The following VAV3 variants were observed in gnomAD, a reference collection of about 807,000 sequenced individuals.
VAV3 encodes the protein guanine nucleotide exchange factor VAV3.
A neutral mutation model predicts 131.2 loss-of-function variants in VAV3; 94 were observed. That is an observed-to-expected ratio of 0.72 (90% CI 0.61 to 0.85). The LOEUF is 0.85. Ranked by LOEUF, VAV3 falls within the 40% of genes least tolerant of loss-of-function variation. VAV3 has a pLI of 0.00. For synonymous variants in VAV3, 349 were observed against 342.0 expected (o/e 1.02, Z -0.22); for missense variants, 939 against 1,002.7 (o/e 0.94, Z 0.86).
Position 107,815,987 on chromosome 1 carries a change from G to A in VAV3, c.322-36495C>T, listed in dbSNP as rs907505715. ...TACACAACCTACATCCCTTGTATGC[G>A]CAGTTGGCAATACACTTTGCACTTC... On this transcript the variant is annotated intron_variant, in intron 2 of 26. Coordinates refer to ENST00000370056, the MANE Select transcript of VAV3 (RefSeq NM_006113.5). Among the ~76,000 whole-genome samples, 12 of 152,216 alleles carry A rather than the reference G, an allele frequency of 7.9e-5. No homozygotes were observed. In the South Asian group the frequency reaches 8.3e-4, roughly 11 times the overall value.
Position 107,602,428 on chromosome 1 carries a change from A to G in VAV3, c.2189T>C (p.Ile730Thr). ...ACTTTTAAATTTTCTATTTTCTGCA[A>G]TGTGAAAAAAGCCATCTCTTGTTAA... is the stretch of plus-strand genomic sequence containing the variant. The part of the protein sequence containing the change: ...KILTRDGFFH[I>T]AENRKFKSLM... The change falls in exon 24 of 27, where the codon ATT (isoleucine) becomes ACT (threonine). Residue 730 changes from isoleucine (I) to threonine (T), a missense_variant. Transcript: ENST00000370056. The G allele has an allele frequency of 6.3e-7, 1 of 1,575,632 alleles. No individual in the cohort carries two copies. The highest frequency in any genetic ancestry group is 1.4e-5 in the African/African-American group (1 of 71,980).
intron 2 of VAV3, among the ~76,000 whole-genome samples, chr1:107,802,244 GT>G (rs557327897): frequency 2.2e-3 from 337 of 151,632 alleles, no homozygotes; most frequent in African/African-American, 3.5e-3. Context: ...TTCTAACAGG[GT>G]TTTTTTTGTG....
At chr1:107,667,562 G>A (rs561403897) in intron 19 of VAV3, among the ~76,000 whole-genome samples, 6 of 152,054 alleles carry the variant, frequency 3.9e-5, no homozygotes, top group Admixed American at 3.3e-4. Context: ...CATTAGTGAT[G>A]GTTTCGCTGA....
chr1:107,646,796 T>C (rs1166015210), intron 19 of VAV3, among the ~76,000 whole-genome samples: 1 of 151,978 alleles, frequency 6.6e-6, no homozygotes, highest in Non-Finnish European at 1.5e-5. Flanking sequence ...ACTCTACTAA[T>C]AGTCGTGTGT....
At chr1:107,927,785 T>C (rs1673234456) in intron 1 of VAV3, among the ~76,000 whole-genome samples, 1 of 152,156 alleles carries the variant, frequency 6.6e-6, no homozygotes, top group African/African-American at 2.4e-5. Context: ...GGTAGACTTC[T>C]AAGATTTTGG....
At chr1:107,696,021 TTTA>T (rs1239678375) in intron 17 of VAV3, among the ~76,000 whole-genome samples, 1 of 152,182 alleles carries the variant, frequency 6.6e-6, no homozygotes, top group Admixed American at 6.5e-5. Flanking sequence ...AATTTTTTAT[TTTA>T]TTATCTTTAA....
chr1:107,964,938 GC>G lies in VAV3; in HGVS notation c.-70del. On this transcript the variant is annotated 5_prime_UTR_variant, in exon 1 of 27. Transcript: ENST00000370056. ...GGATGCGGCCGCCGCCGCCGCCGCC[GC>G]GGTTCCTCCGCGCCCCGCCGACGCC... 8.4e-7 allele frequency: 1 copy of G among 1,190,682 alleles called. No individual in the cohort carries two copies. The highest frequency in any genetic ancestry group is 1.1e-6 in the Non-Finnish European group (1 of 948,984). 73.8% of individuals were successfully genotyped at this position (1,190,682 alleles called of 1,614,324 possible).
Position 107,574,963 on chromosome 1 carries a change from C to CTCTGTGTGTGTGTGTGTG in VAV3, c.2351-766_2351-765insCACACACACACACACAGA, listed in dbSNP as rs1304869776. 9.9e-5 allele frequency among the ~76,000 whole-genome samples: 8 copies of CTCTGTGTGTGTGTGTGTG among 81,114 alleles called. 3 individuals carry two copies. Among genetic ancestry groups the CTCTGTGTGTGTGTGTGTG allele is most frequent in the Non-Finnish European group, 9.8e-5 (4 of 40,666 alleles). The allele number at this position is 81,114 out of a possible 152,430, so 53.2% of individuals were successfully genotyped here. A position where few individuals can be genotyped will look rare whatever the true frequency, so the allele number is the denominator to read the frequency against. On this transcript the variant is annotated intron_variant, in intron 25 of 26. Coordinates refer to ENST00000370056, the MANE Select transcript of VAV3 (RefSeq NM_006113.5). ...ATCCTGTGTTCAGAGTTGAGTTTCT[C>CTCTGTGTGTGTGTGTGTG]TGTGTGTGTGTGTGTGTGTGTGTGT...
At chr1:107,795,374 A>G (rs770313022) in intron 2 of VAV3, among the ~76,000 whole-genome samples, 17 of 152,328 alleles carry the variant, frequency 1.1e-4, no homozygotes, top group Middle Eastern at 3.4e-3. Context: ...ACTATCAAAC[A>G]ATGAAATTCT....
chr1:107,753,527 C>CATATATATATATATATACAT (rs752202122), intron 12 of VAV3, among the ~76,000 whole-genome samples: 2 of 94,738 alleles, frequency 2.1e-5, no homozygotes, highest in African/African-American at 8.1e-5. Flanking sequence ...TATATATATA[C>CATATATATATATATATACAT]GTATATATAT....
At chr1:107,916,235 T>C (rs1672615035) in intron 1 of VAV3, among the ~76,000 whole-genome samples, 1 of 152,204 alleles carries the variant, frequency 6.6e-6, no homozygotes, top group Admixed American at 6.5e-5. Flanking sequence ...TAAGTTCAAG[T>C]GACATCAAAT....
At position 107,645,620 on chromosome 1, in the gene VAV3, A is replaced by G. The variant is rs576129587; in HGVS notation, c.1778-2865T>C. On this transcript the variant is annotated intron_variant, in intron 19 of 26. Coordinates refer to ENST00000370056, the MANE Select transcript of VAV3 (RefSeq NM_006113.5). ...CATTGCTAAGAATGTGAACACACTC[A>G]CATTAACTGGAAGACAAAAAATTGC... Among the ~76,000 whole-genome samples, 14 of 152,218 alleles carry G rather than the reference A, an allele frequency of 9.2e-5. No individual in the cohort carries two copies. The South Asian group carries it at 2.9e-3, about 32-fold the overall frequency.
chr1:107,811,956 C>T (rs1218564290), intron 2 of VAV3, among the ~76,000 whole-genome samples: 1 of 152,142 alleles, frequency 6.6e-6, no homozygotes, highest in East Asian at 1.9e-4. Flanking sequence ...CATACGCTCA[C>T]ATCATTTTCT....
chr1:107,872,313 C>T lies in VAV3; in HGVS notation c.321+2588G>A, dbSNP rs550911860. Among the ~76,000 whole-genome samples the T allele has an allele frequency of 3.3e-5, 5 of 152,284 alleles. No homozygotes were observed. In the East Asian group the frequency reaches 7.7e-4, roughly 24 times the overall value. The stretch of plus-strand genomic sequence containing the variant: ...GAAAACTTCAAAGGCTATAAAAACA[C>T]TAGGTGCTGCTATCATAATTAATAC... On this transcript the variant is annotated intron_variant, in intron 2 of 26. Coordinates refer to ENST00000370056, the MANE Select transcript of VAV3 (RefSeq NM_006113.5).
intron 19 of VAV3, among the ~76,000 whole-genome samples, chr1:107,643,599 A>G (rs551667485): frequency 1.3e-5 from 2 of 152,252 alleles, no homozygotes; most frequent in African/African-American, 4.8e-5. Context: ...TAAGGACTGA[A>G]GCCTTTATTA....
At chr1:107,812,692 A>G (rs1482089969) in intron 2 of VAV3, among the ~76,000 whole-genome samples, 1 of 152,212 alleles carries the variant, frequency 6.6e-6, no homozygotes, top group Non-Finnish European at 1.5e-5. Context: ...TTTCCCATTC[A>G]GTTAATCATC....
At chr1:107,809,750 C>T (rs1401841491) in intron 2 of VAV3, among the ~76,000 whole-genome samples, 1 of 152,098 alleles carries the variant, frequency 6.6e-6, no homozygotes, top group African/African-American at 2.4e-5. Context: ...TTATTCTATA[C>T]CTTAGAATAC....
At chr1:107,823,502 A>C (rs1557867738) in intron 2 of VAV3, among the ~76,000 whole-genome samples, 2 of 151,426 alleles carry the variant, frequency 1.3e-5, no homozygotes, top group Non-Finnish European at 3.0e-5. Flanking sequence ...GGTAGCATTA[A>C]AAAAAAATAA....
intron 15 of VAV3, among the ~76,000 whole-genome samples, chr1:107,739,924 T>C (rs1426566498): frequency 2.6e-5 from 4 of 152,116 alleles, no homozygotes; most frequent in Non-Finnish European, 5.9e-5. Context: ...TCAGAGTAAA[T>C]AACAGGCACA....
Sources: allele counts gnomAD v4.1 joint callset (sites outside exome capture counted in the v4.1 genomes callset), GRCh38; gene constraint gnomAD v4.1.1; transcripts MANE v1.5; gene names NCBI Gene and HGNC (gene_info 2026-07-23, HGNC 2026-07-21).